The following TRAPPC9 variants were observed in gnomAD, a reference collection of about 807,000 sequenced individuals.
The protein encoded by TRAPPC9 is IKK2 binding protein.
A neutral mutation model predicts 124.0 loss-of-function variants in TRAPPC9; 83 were observed. The observed-to-expected ratio is 0.67, with a 90% CI of 0.56 to 0.80. TRAPPC9 has a LOEUF of 0.80. Among genes scored for constraint, TRAPPC9 ranks in the 30% least tolerant of loss-of-function variants. TRAPPC9 has a pLI of 0.00. For synonymous variants in TRAPPC9, 638 were observed against 617.5 expected (o/e 1.03, Z -0.49); for missense variants, 1,302 against 1,508.3 (o/e 0.86, Z 2.27).
chr8:139,906,341 G>A (rs1831363242), intron 20 of TRAPPC9, among the ~76,000 whole-genome samples: 1 of 152,106 alleles, frequency 6.6e-6, no homozygotes, highest in Admixed American at 6.5e-5. Context: ...TGGGCTCCTT[G>A]TGATAAACGT....
At chr8:140,412,776 G>A (rs769475468) in intron 5 of TRAPPC9, among the ~76,000 whole-genome samples, 5 of 152,016 alleles carry the variant, frequency 3.3e-5, no homozygotes, top group Non-Finnish European at 7.4e-5. Flanking sequence ...TAGAATTACA[G>A]TAAACTCATT....
chr8:139,759,698 G>A (rs921171205), intron 21 of TRAPPC9, among the ~76,000 whole-genome samples: 2 of 152,150 alleles, frequency 1.3e-5, no homozygotes, highest in East Asian at 1.9e-4. Context: ...CTGCAGACAC[G>A]GGGGCCGGGC....
chr8:140,005,424 C>T (rs555151339), intron 18 of TRAPPC9, among the ~76,000 whole-genome samples: 1 of 152,186 alleles, frequency 6.6e-6, no homozygotes, highest in East Asian at 1.9e-4. Context: ...GGGAAGGTTC[C>T]GAAAGGAAGT....
At chr8:140,071,183 T>C (rs1843141428) in intron 17 of TRAPPC9, among the ~76,000 whole-genome samples, 1 of 152,194 alleles carries the variant, frequency 6.6e-6, no homozygotes, top group Non-Finnish European at 1.5e-5. Flanking sequence ...TGATTCAAAC[T>C]CATGTCTGGC....
chr8:139,939,366 G>C (rs905901105), intron 19 of TRAPPC9, among the ~76,000 whole-genome samples: 2 of 152,224 alleles, frequency 1.3e-5, no homozygotes, highest in African/African-American at 4.8e-5. Flanking sequence ...CACCTGAGAG[G>C]GGGCCGGGAA....
At chr8:140,037,393 C>T (rs1321652264) in intron 17 of TRAPPC9, among the ~76,000 whole-genome samples, 1 of 151,908 alleles carries the variant, frequency 6.6e-6, no homozygotes, top group African/African-American at 2.4e-5. Context: ...AGATAAGATA[C>T]TTGGAACAAA....
At chr8:139,748,878 C>T (rs1819133107) in intron 21 of TRAPPC9, among the ~76,000 whole-genome samples, 1 of 152,126 alleles carries the variant, frequency 6.6e-6, no homozygotes, top group East Asian at 1.9e-4. Context: ...TGTATGGGGC[C>T]TGTATGGGGT....
intron 19 of TRAPPC9, among the ~76,000 whole-genome samples, chr8:139,974,840 G>T (rs553835005): frequency 2.0e-5 from 3 of 152,138 alleles, no homozygotes; most frequent in South Asian, 4.2e-4. Context: ...CTTCCACTCC[G>T]CCCGGCAGCC....
intron 7 of TRAPPC9, among the ~76,000 whole-genome samples, chr8:140,395,304 A>T (rs1252410818): frequency 6.6e-6 from 1 of 152,104 alleles, no homozygotes; most frequent in Non-Finnish European, 1.5e-5. Context: ...GACACTTGCC[A>T]CTTTGACTTA....
intron 7 of TRAPPC9, among the ~76,000 whole-genome samples, chr8:140,384,718 TG>T (rs1283521237): frequency 6.6e-6 from 1 of 152,138 alleles, no homozygotes; most frequent in African/African-American, 2.4e-5. Flanking sequence ...ACAGTAATAA[TG>T]GGAGACTTTA....
In TRAPPC9 at chr8:140,063,027, C is replaced by A. The variant is rs1842715915; in HGVS notation, c.2557-38948G>T. 6.6e-6 allele frequency among the ~76,000 whole-genome samples: 1 copy of A among 152,074 alleles called. No individual in the cohort carries two copies. The highest frequency in any genetic ancestry group is 2.1e-4 in the South Asian group (1 of 4,822). On this transcript the variant is annotated intron_variant, in intron 17 of 22. Transcript: ENST00000438773. This position sits in a 1 kb window ranked among gnomAD's most constrained non-coding sequence, Gnocchi z 4.3. ...CAGAAGGTAAAGGGGAAGCAAGGGA[C>A]CTTCTTCAGAAGGCGGCAGGAAGGA...
intron 17 of TRAPPC9, among the ~76,000 whole-genome samples, chr8:140,088,767 G>A (rs1219609588): frequency 6.6e-6 from 1 of 152,200 alleles, no homozygotes; most frequent in Non-Finnish European, 1.5e-5. Context: ...CATATCAGAA[G>A]CTCAGCAATT....
chr8:140,096,484 G>A (rs1844956316), intron 17 of TRAPPC9: 1 of 152,206 alleles, frequency 6.6e-6, no homozygotes, highest in East Asian at 1.9e-4. Flanking sequence ...GAGTGTGAAT[G>A]GTGACCTGAA....
intron 17 of TRAPPC9, among the ~76,000 whole-genome samples, chr8:140,102,782 C>T (rs938499954): frequency 6.6e-6 from 1 of 152,134 alleles, no homozygotes; most frequent in Admixed American, 6.5e-5. Context: ...CACATGGCTG[C>T]CTCTTGCACA....
At chr8:140,227,288 C>A (rs1319239986) in intron 16 of TRAPPC9, among the ~76,000 whole-genome samples, 1 of 152,120 alleles carries the variant, frequency 6.6e-6, no homozygotes, top group Non-Finnish European at 1.5e-5. Flanking sequence ...ATCATTTAGC[C>A]AATTTTTCTG....
chr8:140,368,968 G>C (rs1396666149), intron 8 of TRAPPC9, among the ~76,000 whole-genome samples: 1 of 152,138 alleles, frequency 6.6e-6, no homozygotes, highest in East Asian at 1.9e-4. Context: ...TGCCAAATCT[G>C]GCCACCATGT....
At chr8:140,290,927 TA>T (rs2065635538) in intron 12 of TRAPPC9, 65 bp downstream of exon 12, 1 of 1,331,534 alleles carries the variant, frequency 7.5e-7, no homozygotes, top group South Asian at 1.2e-5. Flanking sequence ...AGACATTAAG[TA>T]AAACCTACTT....
chr8:140,429,972 C>G (rs901701285), intron 4 of TRAPPC9, among the ~76,000 whole-genome samples: 3 of 151,900 alleles, frequency 2.0e-5, no homozygotes, highest in Non-Finnish European at 4.4e-5. Context: ...CATAGCGAAA[C>G]CGTGTCTCCA....
chr8:140,329,502 T>C (rs1563949847), intron 9 of TRAPPC9, among the ~76,000 whole-genome samples: 1 of 152,220 alleles, frequency 6.6e-6, no homozygotes, highest in South Asian at 2.1e-4. Flanking sequence ...CTCACCTGCA[T>C]TGCCTTACTT....
Sources: allele counts gnomAD v4.1 joint callset (sites outside exome capture counted in the v4.1 genomes callset), GRCh38; gene constraint gnomAD v4.1.1; non-coding constraint Gnocchi (gnomAD v3.1); transcripts MANE v1.5; gene names NCBI Gene and HGNC (gene_info 2026-07-23, HGNC 2026-07-21).